The following ANAPC5 variants were observed in gnomAD, a reference collection of about 807,000 sequenced individuals.
The protein encoded by ANAPC5 is anaphase-promoting complex subunit 5.
Under a neutral mutation model 91.3 loss-of-function variants are expected in ANAPC5, and 60 were observed. That is an observed-to-expected ratio of 0.66 (90% CI 0.53 to 0.81). The LOEUF (loss-of-function observed/expected upper bound fraction) is 0.81, where lower values mean the gene tolerates loss of function less well. Ranked by LOEUF, ANAPC5 falls within the 40% of genes least tolerant of loss-of-function variation. The probability of loss-of-function intolerance (pLI) is 0.00; values close to 1 mark genes in which losing one functional copy is unlikely to be tolerated. For missense variants in ANAPC5, 690 were observed against 931.5 expected (o/e 0.74, Z 3.37); for synonymous variants, 340 against 364.1 (o/e 0.93, Z 0.75).
chr12:121,339,868 G>GTTTTTTTTTTTT (rs71079054), intron 5 of ANAPC5, among the ~76,000 whole-genome samples: 1 of 104,542 alleles, frequency 9.6e-6, no homozygotes, highest in African/African-American at 3.7e-5. Flanking sequence ...TTTTCTTCCA[G>GTTTTTTTTTTTT]TTTTTTTTTT....
intron 9 of ANAPC5, among the ~76,000 whole-genome samples, chr12:121,330,244 A>G (rs1555272745): frequency 6.6e-6 from 1 of 152,232 alleles, no homozygotes; most frequent in Admixed American, 6.5e-5. Context: ...AGGGCGGGAA[A>G]GTTCACCAAT....
At chr12:121,347,569 T>A in intron 2 of ANAPC5, 1 of 477,382 alleles carries the variant, frequency 2.1e-6, no homozygotes, top group East Asian at 3.7e-5. Flanking sequence ...AAGTCCAGGC[T>A]GCGTTGAGCC....
intron 4 of ANAPC5, among the ~76,000 whole-genome samples, chr12:121,344,962 C>T (rs1903607526): frequency 6.6e-6 from 1 of 152,154 alleles, no homozygotes; most frequent in Non-Finnish European, 1.5e-5. Context: ...TCCCCAGATG[C>T]TGCCTGAAGA....
chr12:121,318,355 CAGGAG>C lies in ANAPC5; in HGVS notation c.1810_1814del (p.Leu604AlafsTer17). 4 of 1,611,730 alleles carry C rather than the reference CAGGAG, an allele frequency of 2.5e-6. No homozygotes were observed. Among genetic ancestry groups the C allele is most frequent in the Non-Finnish European group, 3.4e-6 (4 of 1,178,932 alleles). On this transcript the variant is annotated frameshift_variant, in exon 15 of 17. Coordinates refer to ENST00000261819, the MANE Select transcript of ANAPC5 (RefSeq NM_016237.5). LOFTEE classifies it high-confidence loss of function. ...ACTCCTTGGAGAGGGCCAGAGCCTG[CAGGAG>C]CATGGGCAGCGCGATGGTAGGGGAG...
intron 12 of ANAPC5, among the ~76,000 whole-genome samples, 167 bp downstream of exon 12, chr12:121,320,218 G>A (rs966556537): frequency 3.9e-5 from 6 of 152,084 alleles, no homozygotes; most frequent in Non-Finnish European, 8.8e-5. Context: ...GTATGAGCCT[G>A]TGTTTTTAAA....
At chr12:121,346,253 A>G (rs1327577732) in intron 3 of ANAPC5, 1 of 422,880 alleles carries the variant, frequency 2.4e-6, no homozygotes, top group East Asian at 3.7e-5. Flanking sequence ...CCCCACCTCC[A>G]CCTGAAGGCT....
rs114915570 is a variant in ANAPC5 at position 121,320,389 on chromosome 12, G to A, written c.1511C>T (p.Ala504Val). ...KERFPPNSQH[A>V]QLWMLCDQKI... ...GCCATGCAAAAGGCAGATTACCTGGGCGTGCTGACTATTAGGCGGAAATCG... is the reference window on the plus strand; with the variant it reads ...GCCATGCAAAAGGCAGATTACCTGGACGTGCTGACTATTAGGCGGAAATCG... The change falls in exon 12 of 17, where the codon GCC (alanine) becomes GTC (valine). Residue 504 changes from alanine (A) to valine (V), a missense_variant. This residue lies in a region of ANAPC5 where 317 missense variants were observed against 438.7 expected (regional missense o/e 0.72). Coordinates refer to ENST00000261819, the MANE Select transcript of ANAPC5 (RefSeq NM_016237.5). 4.3e-6 allele frequency: 7 copies of A among 1,613,286 alleles called. No individual in the cohort carries two copies. The highest frequency in any genetic ancestry group is 5.1e-6 in the Non-Finnish European group (6 of 1,179,450).
intron 2 of ANAPC5, 179 bp from the exon 3 acceptor site, chr12:121,347,184 TATC>T (rs1903701119): frequency 3.8e-6 from 2 of 523,404 alleles, no homozygotes; most frequent in Admixed American, 7.6e-5. Context: ...TTCTGAAAAG[TATC>T]ATTGTTGTTT....
intron 13 of ANAPC5, among the ~76,000 whole-genome samples, 179 bp from the exon 14 acceptor site, chr12:121,318,787 G>A (rs1330681550): frequency 1.3e-5 from 2 of 152,138 alleles, no homozygotes; most frequent in African/African-American, 4.8e-5. Context: ...TTGGGAGGCC[G>A]AGGCGGGCGA....
intron 7 of ANAPC5, chr12:121,335,322 C>T (rs1903188857): frequency 5.7e-6 from 2 of 349,040 alleles, no homozygotes; most frequent in Non-Finnish European, 1.0e-5. Flanking sequence ...CCTGCCACCA[C>T]ACCTGGCTAA....
intron 5 of ANAPC5, among the ~76,000 whole-genome samples, chr12:121,340,034 T>C (rs1903386344): frequency 6.6e-6 from 1 of 150,894 alleles, no homozygotes; most frequent in Non-Finnish European, 1.5e-5. Flanking sequence ...TAGAAAGCTC[T>C]GGCCAGGCGC....
chr12:121,313,014 G>A (rs1302610776), intron 15 of ANAPC5, among the ~76,000 whole-genome samples: 1 of 152,052 alleles, frequency 6.6e-6, no homozygotes, highest in East Asian at 1.9e-4. Context: ...ATCAATAAGC[G>A]AATCTTCCAC....
chr12:121,327,552 C>T (rs1902869625), intron 10 of ANAPC5: 1 of 303,890 alleles, frequency 3.3e-6, no homozygotes, highest in Non-Finnish European at 6.1e-6. Flanking sequence ...AATTCAGACC[C>T]GATGCCATCC....
upstream of ANAPC5, chr12:121,352,412 G>T (rs1160387151): frequency 2.2e-5 from 28 of 1,255,096 alleles, 1 homozygote; most frequent in Non-Finnish European, 3.0e-5. Flanking sequence ...CAACACTACC[G>T]GGTCTACATC....
At chr12:121,347,909 G>A in intron 1 of ANAPC5, 28 bp from the exon 2 acceptor site, 2 of 1,465,302 alleles carry the variant, frequency 1.4e-6, no homozygotes, top group Non-Finnish European at 1.9e-6. Flanking sequence ...AGGGAGGTAT[G>A]GATTTTAAAG....
Position 121,308,550 on chromosome 12 carries a change from C to T in ANAPC5, c.2198G>A (p.Cys733Tyr), listed in dbSNP as rs936215671. 6.2e-6 allele frequency: 10 copies of T among 1,614,072 alleles called. No individual in the cohort carries two copies. The highest frequency in any genetic ancestry group is 2.2e-5 in the South Asian group (2 of 91,090). Residue 733 changes from cysteine (C) to tyrosine (Y), a missense_variant, in exon 17 of 17, where the codon TGT becomes TAT. Physicochemically the swap from Cys to Tyr is radical, Grantham distance 194. Coordinates refer to ENST00000261819, the MANE Select transcript of ANAPC5 (RefSeq NM_016237.5). ...TLGKTQERNR[C>Y]AMLFRQLHQE... ...ATGCAGCTGCCGGAAGAGCATCGCA[C>T]ACCGGTTCCTCTCCTGGGTCTTCCC...
At position 121,328,467 on chromosome 12, in the gene ANAPC5, C is replaced by G; in HGVS notation, c.1153G>C (p.Val385Leu). 1 of 1,613,862 alleles carries G rather than the reference C, an allele frequency of 6.2e-7. No individual in the cohort carries two copies. The highest frequency in any genetic ancestry group is 1.3e-5 in the African/African-American group (1 of 74,916). Reference protein sequence around the residue: ...YLASLGIQSLVQQRAFAGKTA... With the variant: ...YLASLGIQSLLQQRAFAGKTA... Reference sequence around the variant, plus strand: ...TTCCCAGCAAAAGCTCTCTGTTGAACAAGGGACTGTATTCCCAGGGAGGCG... The same window carrying G: ...TTCCCAGCAAAAGCTCTCTGTTGAAGAAGGGACTGTATTCCCAGGGAGGCG... Residue 385 changes from valine (V) to leucine (L), a missense_variant, in exon 10 of 17, where the codon GTT becomes CTT. Around this residue, in one of 5 missense-constraint regions of ANAPC5, gnomAD observed 16 missense variants for 49.5 expected, o/e 0.32. Transcript: ENST00000261819.
intron 1 of ANAPC5, chr12:121,351,100 A>C: frequency 2.2e-6 from 1 of 450,570 alleles, no homozygotes; most frequent in Non-Finnish European, 4.5e-6. Flanking sequence ...GGCCGGGCGC[A>C]GTGGCTCACT....
intron 4 of ANAPC5, among the ~76,000 whole-genome samples, chr12:121,345,276 G>A (rs1389783645): frequency 4.6e-5 from 7 of 152,168 alleles, no homozygotes; most frequent in Admixed American, 3.3e-4. Context: ...AATTTTCACT[G>A]AATTAATCAA....
Sources: allele counts gnomAD v4.1 joint callset (sites outside exome capture counted in the v4.1 genomes callset), GRCh38; gene constraint gnomAD v4.1.1; regional missense constraint gnomAD v4.1.1; transcripts MANE v1.5; gene names NCBI Gene and HGNC (gene_info 2026-07-23, HGNC 2026-07-21).